DDC: variants seen among roughly 807,000 people sequenced by gnomAD.
The protein encoded by DDC is dopa decarboxylase, also known as aromatic-L-amino-acid decarboxylase.
Under a neutral mutation model 60.0 loss-of-function variants are expected in DDC, and 43 were observed. The ratio of observed to expected loss-of-function variants is 0.72; its 90% CI spans 0.56 to 0.92. The LOEUF (loss-of-function observed/expected upper bound fraction) is 0.92. DDC is among the 40% of genes least tolerant of loss of function. The pLI, the probability that DDC is intolerant of heterozygous loss-of-function variation, is 0.00. For synonymous variants in DDC, 232 were observed against 234.6 expected (o/e 0.99, Z 0.10); for missense variants, 573 against 620.2 (o/e 0.92, Z 0.81).
At chr7:50,529,750 A>G (rs1234540523) in intron 4 of DDC, among the ~76,000 whole-genome samples, 1 of 152,130 alleles carries the variant, frequency 6.6e-6, no homozygotes, top group Non-Finnish European at 1.5e-5. Context: ...AGCGATTTGC[A>G]TTTGTTTATA....
intron 6 of DDC, among the ~76,000 whole-genome samples, chr7:50,516,576 A>G (rs774781882): frequency 6.6e-6 from 1 of 152,022 alleles, no homozygotes; most frequent in African/African-American, 2.4e-5. Context: ...AATAACCAAG[A>G]TCAGAGCAGA....
chr7:50,532,723 G>A (rs1232643644), intron 4 of DDC, among the ~76,000 whole-genome samples: 3 of 152,196 alleles, frequency 2.0e-5, no homozygotes, highest in Admixed American at 2.0e-4. Context: ...AATAGACACA[G>A]CTTATATTAT....
intron 1 of DDC, among the ~76,000 whole-genome samples, chr7:50,557,802 A>T (rs2045233395): frequency 6.6e-6 from 1 of 152,246 alleles, no homozygotes; most frequent in Non-Finnish European, 1.5e-5. Context: ...TGAGTTGTAC[A>T]GTTCTTTTTG....
In DDC at chr7:50,565,348, C is replaced by G. The variant is rs960955075; in HGVS notation, c.-92G>C. 3.9e-5 allele frequency: 6 copies of G among 152,230 alleles called. No homozygotes were observed. The highest frequency in any genetic ancestry group is 8.8e-5 in the Non-Finnish European group (6 of 68,048). The allele number at this position is 152,230 out of a possible 1,614,324, so 9.4% of individuals were successfully genotyped here. A position where few individuals can be genotyped will look rare whatever the true frequency, so the allele number is the denominator to read the frequency against. On this transcript the variant is annotated 5_prime_UTR_variant, in exon 1 of 15. Transcript: ENST00000444124. ...TGATGGGATTCTCCAACTTTGGGGA[C>G]TGAAGAGCATGTGGAGAAGCTGCTG...
chr7:50,509,063 A>G (rs1319830514), intron 6 of DDC, among the ~76,000 whole-genome samples: 1 of 152,080 alleles, frequency 6.6e-6, no homozygotes, highest in Non-Finnish European at 1.5e-5. Context: ...CTACCCATGT[A>G]TATATGCATT....
At chr7:50,488,901 C>T (rs1441820735) in intron 9 of DDC, among the ~76,000 whole-genome samples, 1 of 152,168 alleles carries the variant, frequency 6.6e-6, no homozygotes. Flanking sequence ...AACTTTTTAT[C>T]AGCTCCTTTA....
intron 6 of DDC, among the ~76,000 whole-genome samples, chr7:50,520,761 A>C (rs2043867084): frequency 6.6e-6 from 1 of 152,096 alleles, no homozygotes; most frequent in South Asian, 2.1e-4. Context: ...TAAAAATACA[A>C]AAATTAGCTG....
chr7:50,531,334 C>CCA lies in DDC; in HGVS notation c.436-1994_436-1993dup, dbSNP rs753163538. Among the ~76,000 whole-genome samples, 177 of 152,230 alleles carry CCA rather than the reference C, an allele frequency of 1.2e-3. 1 individual carries two copies. The highest frequency in any genetic ancestry group is 6.8e-3 in the Middle Eastern group (2 of 294). On this transcript the variant is annotated intron_variant, in intron 4 of 14. Transcript: ENST00000444124. ...TTTCCTCCTGTCCCCCTATCTGCCCCCACACACATTTTGTTTGTCATGTCC... is the reference window on the plus strand; with the variant it reads ...TTTCCTCCTGTCCCCCTATCTGCCCCCACACACACATTTTGTTTGTCATGTCC...
At chr7:50,503,111 T>A (rs1394583652) in intron 7 of DDC, among the ~76,000 whole-genome samples, 1 of 152,210 alleles carries the variant, frequency 6.6e-6, no homozygotes, top group Non-Finnish European at 1.5e-5. Flanking sequence ...GTGCTTGGCT[T>A]GTGCAGACTA....
At chr7:50,511,052 T>TATATACACAC (rs1554425850) in intron 6 of DDC, among the ~76,000 whole-genome samples, 6 of 139,098 alleles carry the variant, frequency 4.3e-5, no homozygotes, top group African/African-American at 1.4e-4. Context: ...GATATATCTA[T>TATATACACAC]ACACACACAC....
chr7:50,469,352 T>A (rs1179175966), intron 12 of DDC, among the ~76,000 whole-genome samples: 1 of 151,734 alleles, frequency 6.6e-6, no homozygotes, highest in African/African-American at 2.4e-5. Flanking sequence ...GGTTTGCTTG[T>A]TAAAACAGAG....
At chr7:50,502,757 G>A (rs2043291087) in intron 7 of DDC, among the ~76,000 whole-genome samples, 1 of 152,232 alleles carries the variant, frequency 6.6e-6, no homozygotes, top group Admixed American at 6.5e-5. Flanking sequence ...GTGCAGCAAT[G>A]CACTCTACCT....
At chr7:50,523,500 T>C (rs2043954561) in intron 6 of DDC, among the ~76,000 whole-genome samples, 1 of 152,096 alleles carries the variant, frequency 6.6e-6, no homozygotes. Context: ...AATTAAAAAG[T>C]GGGCAAAAGA....
At position 50,495,102 on chromosome 7, in the gene DDC, T is replaced by A. The variant is rs527788638; in HGVS notation, c.944+248A>T. Among the ~76,000 whole-genome samples the A allele has an allele frequency of 4.7e-3, 722 of 152,348 alleles. 1 individual carries two copies. The highest frequency in any genetic ancestry group is 7.6e-3 in the Non-Finnish European group (520 of 68,036). On this transcript the variant is annotated intron_variant, in intron 9 of 14. Coordinates refer to ENST00000444124, the MANE Select transcript of DDC (RefSeq NM_001082971.2). ...GCATTTGTTTTCTGTCAATGCTGGATAAATCAAATAAAAAATTGTCCTTTT... is the reference window on the plus strand; with the variant it reads ...GCATTTGTTTTCTGTCAATGCTGGAAAAATCAAATAAAAAATTGTCCTTTT...
At chr7:50,545,905 G>A (rs1299634166) in intron 1 of DDC, among the ~76,000 whole-genome samples, 1 of 152,152 alleles carries the variant, frequency 6.6e-6, no homozygotes, top group African/African-American at 2.4e-5. Flanking sequence ...CTTGTGCATA[G>A]GATGGCACAA....
chr7:50,514,291 T>C (rs1405987358), intron 6 of DDC, among the ~76,000 whole-genome samples: 4 of 152,118 alleles, frequency 2.6e-5, no homozygotes, highest in Non-Finnish European at 5.9e-5. Flanking sequence ...GAGTACTACA[T>C]CAAGGGAACA....
At chr7:50,531,579 G>A (rs986714639) in intron 4 of DDC, among the ~76,000 whole-genome samples, 1 of 112,854 alleles carries the variant, frequency 8.9e-6, no homozygotes, top group African/African-American at 3.5e-5. Flanking sequence ...CTTTTCTCTG[G>A]GGGGGGATGG....
At chr7:50,561,094 G>T (rs887098521) in intron 1 of DDC, 2 of 152,204 alleles carry the variant, frequency 1.3e-5, no homozygotes, top group Non-Finnish European at 2.9e-5. Context: ...AGATGTGATT[G>T]CCATTTATGT....
At chr7:50,547,057 A>G (rs551862520) in intron 1 of DDC, among the ~76,000 whole-genome samples, 1 of 152,306 alleles carries the variant, frequency 6.6e-6, no homozygotes, top group South Asian at 2.1e-4. Flanking sequence ...ATACAGTGAA[A>G]CTTGGTTTTC....
Sources: allele counts gnomAD v4.1 joint callset (sites outside exome capture counted in the v4.1 genomes callset), GRCh38; gene constraint gnomAD v4.1.1; transcripts MANE v1.5; gene names NCBI Gene and HGNC (gene_info 2026-07-23, HGNC 2026-07-21).